Variants in CGNL1 observed in about 807,000 individuals in gnomAD.
The protein encoded by CGNL1 is cingulin like 1.
A neutral mutation model predicts 141.2 loss-of-function variants in CGNL1; 132 were observed. The ratio of observed to expected loss-of-function variants is 0.93; its 90% CI spans 0.81 to 1.08. CGNL1 has a LOEUF of 1.08. CGNL1 is among the 50% of genes least tolerant of loss of function. The pLI is 0.00. For synonymous variants in CGNL1, 690 were observed against 622.1 expected (o/e 1.11, Z -1.63); for missense variants, 1,870 against 1,588.6 (o/e 1.18, Z -3.01).
intron 8 of CGNL1, among the ~76,000 whole-genome samples, chr15:57,473,625 T>G (rs1315961699): frequency 6.6e-6 from 1 of 152,134 alleles, no homozygotes; most frequent in Admixed American, 6.5e-5. Context: ...ACATGTGGCT[T>G]CCTCCTTGCT....
intron 8 of CGNL1, among the ~76,000 whole-genome samples, chr15:57,503,085 A>G (rs777685712): frequency 1.3e-5 from 2 of 152,238 alleles, no homozygotes; most frequent in Non-Finnish European, 2.9e-5. Flanking sequence ...TTTGTGGCAC[A>G]TGGCAGATTT....
At chr15:57,533,967 C>A (rs966100258) in intron 14 of CGNL1, among the ~76,000 whole-genome samples, 1 of 152,190 alleles carries the variant, frequency 6.6e-6, no homozygotes, top group African/African-American at 2.4e-5. Flanking sequence ...CCTGCATTAG[C>A]CTCATTTACC....
chr15:57,510,522 G>C (rs1241335190), intron 8 of CGNL1, among the ~76,000 whole-genome samples: 1 of 152,224 alleles, frequency 6.6e-6, no homozygotes, highest in Non-Finnish European at 1.5e-5. Context: ...GGGCAAGGAG[G>C]AGAGTGCTTG....
chr15:57,412,189 C>G (rs1218050768), intron 1 of CGNL1, among the ~76,000 whole-genome samples: 1 of 152,170 alleles, frequency 6.6e-6, no homozygotes, highest in Non-Finnish European at 1.5e-5. Flanking sequence ...TATTTCTGTC[C>G]CAGGCTGGAG....
At chr15:57,441,286 G>T (rs1325359384) in intron 3 of CGNL1, among the ~76,000 whole-genome samples, 6 of 152,054 alleles carry the variant, frequency 3.9e-5, no homozygotes, top group Non-Finnish European at 8.8e-5. Flanking sequence ...ATCTAGCTAA[G>T]AACTGGTTAT....
Position 57,545,656 on chromosome 15 carries a change from C to T in CGNL1, c.3565C>T (p.Gln1189Ter), listed in dbSNP as rs2032820108. 1 of 1,613,622 alleles carries T rather than the reference C, an allele frequency of 6.2e-7. No individual in the cohort carries two copies. Among genetic ancestry groups the T allele is most frequent in the South Asian group, 1.1e-5 (1 of 90,992 alleles). The change falls in exon 17 of 19, where the codon CAG becomes TAG. Residue 1189 changes from glutamine to a stop codon, truncating the protein, a stop_gained. Transcript: ENST00000281282. LOFTEE classifies it high-confidence loss of function. ...LERKVKELVM[Q>*]VDDEHLSLTD... ...GCGGAAAGTGAAGGAGCTGGTGATG[C>T]AGGTGGATGATGAGCACCTGTCATT... is the stretch of plus-strand genomic sequence containing the variant.
intron 14 of CGNL1, among the ~76,000 whole-genome samples, chr15:57,540,432 C>G (rs2032503451): frequency 6.6e-6 from 1 of 152,182 alleles, no homozygotes; most frequent in Non-Finnish European, 1.5e-5. Context: ...GAGAATTATT[C>G]ACTGTCACAA....
At chr15:57,406,181 C>T (rs1265034227) in intron 1 of CGNL1, 2 of 152,436 alleles carry the variant, frequency 1.3e-5, no homozygotes, top group Non-Finnish European at 2.9e-5. Flanking sequence ...ACCAGATGGT[C>T]CAGGAAGATT....
chr15:57,388,568 C>G (rs1357030482), intron 1 of CGNL1, among the ~76,000 whole-genome samples: 1 of 152,232 alleles, frequency 6.6e-6, no homozygotes, highest in East Asian at 1.9e-4. Flanking sequence ...GCTCGCACGA[C>G]TGTACTGACA....
At chr15:57,401,465 A>T (rs1384387750) in intron 1 of CGNL1, among the ~76,000 whole-genome samples, 1 of 152,152 alleles carries the variant, frequency 6.6e-6, no homozygotes, top group African/African-American at 2.4e-5. Flanking sequence ...TTCCCAAGTG[A>T]TTCTGCTGGT....
At chr15:57,451,269 T>A (rs1204255958) in intron 4 of CGNL1, among the ~76,000 whole-genome samples, 1 of 152,206 alleles carries the variant, frequency 6.6e-6, no homozygotes, top group Non-Finnish European at 1.5e-5. Flanking sequence ...TACCTGTGAT[T>A]GGTAAATGCT....
rs1486664559 is a variant in CGNL1 at position 57,438,582 on chromosome 15, C to T, written c.583C>T (p.Pro195Ser). ...GAAGCCTTGGACTTGCTTTCCCAAA[C>T]CTAGCAATTCCCAGCCTACCAGTCC... ...NKKPWTCFPK[P>S]SNSQPTSPSL... Residue 195 changes from proline (P) to serine (S), a missense_variant, in exon 2 of 19, where the codon CCT (proline) becomes TCT (serine). By Grantham distance (74) the Pro-to-Ser change is moderately conservative (BLOSUM62 -1). Transcript: ENST00000281282. 1 of 1,613,706 alleles carries T rather than the reference C, an allele frequency of 6.2e-7. No individual in the cohort carries two copies. The highest frequency in any genetic ancestry group is 8.5e-7 in the Non-Finnish European group (1 of 1,180,016).
intron 1 of CGNL1, among the ~76,000 whole-genome samples, chr15:57,403,879 G>C (rs2062686379): frequency 6.6e-6 from 1 of 152,146 alleles, no homozygotes; most frequent in Non-Finnish European, 1.5e-5. Flanking sequence ...CCTTTTAGAA[G>C]ACAGATGCAC....
intron 14 of CGNL1, among the ~76,000 whole-genome samples, chr15:57,534,113 C>T (rs1318970541): frequency 6.6e-6 from 1 of 152,218 alleles, no homozygotes; most frequent in Non-Finnish European, 1.5e-5. Context: ...CATCCAGAAG[C>T]GTCTGACTCA....
Position 57,451,618 on chromosome 15 carries a change from TTA to T in CGNL1, c.1905+19_1905+20del, listed in dbSNP as rs1301516142. On this transcript the variant is annotated intron_variant, in intron 5 of 18. Transcript: ENST00000281282. Reference sequence around the variant, plus strand: ...GAAGTCAAGGTATCTGGTTTTTCCTTTATGTTATTTTTTCCATTTCTGTCTTG... The same window carrying T: ...GAAGTCAAGGTATCTGGTTTTTCCTTTGTTATTTTTTCCATTTCTGTCTTG... 1.3e-6 allele frequency: 2 copies of T among 1,550,636 alleles called. No homozygotes were observed.
intron 14 of CGNL1, among the ~76,000 whole-genome samples, chr15:57,540,843 C>T (rs1353380756): frequency 6.6e-6 from 1 of 152,226 alleles, no homozygotes; most frequent in Admixed American, 6.5e-5. Context: ...GCGAACAAAC[C>T]CATCCTATCG....
intron 8 of CGNL1, among the ~76,000 whole-genome samples, chr15:57,471,784 A>G (rs1211503121): frequency 6.6e-6 from 1 of 152,204 alleles, no homozygotes; most frequent in Non-Finnish European, 1.5e-5. Flanking sequence ...TGGATTGTTG[A>G]TACAGTTTTT....
intron 8 of CGNL1, among the ~76,000 whole-genome samples, chr15:57,510,778 G>A (rs753760647): frequency 7.2e-5 from 11 of 152,144 alleles, no homozygotes; most frequent in African/African-American, 1.7e-4. Flanking sequence ...GGAAGCACTC[G>A]TGTAGTTGCA....
At chr15:57,516,031 C>T (rs1475497775) in intron 8 of CGNL1, among the ~76,000 whole-genome samples, 4 of 151,698 alleles carry the variant, frequency 2.6e-5, no homozygotes, top group Non-Finnish European at 4.4e-5. Context: ...TGGTGGCGGG[C>T]GCCTGTAGTC....
Sources: allele counts gnomAD v4.1 joint callset (sites outside exome capture counted in the v4.1 genomes callset), GRCh38; gene constraint gnomAD v4.1.1; transcripts MANE v1.5; gene names NCBI Gene and HGNC (gene_info 2026-07-23, HGNC 2026-07-21).